The following MKLN1 variants were observed in gnomAD, a reference collection of about 807,000 sequenced individuals.
The protein encoded by MKLN1 is muskelin 1, also known as muskelin.
Under a neutral mutation model 99.0 loss-of-function variants are expected in MKLN1, and 18 were observed. That is an observed-to-expected ratio of 0.18 (90% CI 0.13 to 0.27). The LOEUF (loss-of-function observed/expected upper bound fraction) is 0.27, where lower values mean the gene tolerates loss of function less well. Ranked by LOEUF, MKLN1 falls within the 10% of genes least tolerant of loss-of-function variation. The pLI is 1.00. For synonymous variants in MKLN1, 288 were observed against 293.2 expected (o/e 0.98, Z 0.18); for missense variants, 621 against 875.9 (o/e 0.71, Z 3.67).
intron 3 of MKLN1, among the ~76,000 whole-genome samples, chr7:131,267,309 G>A (rs1036706805): frequency 1.3e-5 from 2 of 151,976 alleles, no homozygotes; most frequent in Non-Finnish European, 2.9e-5. Context: ...TCTAGCCTGG[G>A]CAACAAGCAA....
intron 1 of MKLN1, among the ~76,000 whole-genome samples, chr7:131,121,600 C>G (rs931180979): frequency 7.8e-6 from 1 of 127,636 alleles, no homozygotes; most frequent in African/African-American, 3.0e-5. Context: ...GATCGCGCCA[C>G]TGCACTCCAG....
intron 2 of MKLN1, among the ~76,000 whole-genome samples, chr7:131,162,000 T>TATATAG (rs1491177471): frequency 4.2e-4 from 53 of 126,936 alleles, no homozygotes; most frequent in African/African-American, 1.3e-3. Flanking sequence ...TATATATATA[T>TATATAG]GTAACAGAGT....
At chr7:131,445,583 C>CA (rs1190715584) in intron 11 of MKLN1, among the ~76,000 whole-genome samples, 191 bp from the exon 12 acceptor site, 1 of 152,078 alleles carries the variant, frequency 6.6e-6, no homozygotes, top group Non-Finnish European at 1.5e-5. Context: ...TCTTCTTTAA[C>CA]AGGATGTCCT....
intron 1 of MKLN1, among the ~76,000 whole-genome samples, chr7:131,373,303 A>AT (rs539470980): frequency 3.3e-5 from 5 of 151,762 alleles, no homozygotes; most frequent in African/African-American, 9.7e-5. Flanking sequence ...TTGATTTTGG[A>AT]TTTTTTTTGT....
chr7:131,183,899 G>A (rs942098550), intron 2 of MKLN1, among the ~76,000 whole-genome samples: 2 of 151,940 alleles, frequency 1.3e-5, no homozygotes, highest in Non-Finnish European at 2.9e-5. Context: ...AAGCTTGTGG[G>A]AACCAGTCCT....
At chr7:131,360,501 T>C (rs1466341401) in intron 1 of MKLN1, among the ~76,000 whole-genome samples, 3 of 152,200 alleles carry the variant, frequency 2.0e-5, no homozygotes, top group Non-Finnish European at 4.4e-5. Context: ...GTAATATTTA[T>C]GTGCATCTAA....
At chr7:131,128,579 A>G (rs1795499432) in intron 1 of MKLN1, among the ~76,000 whole-genome samples, 1 of 152,228 alleles carries the variant, frequency 6.6e-6, no homozygotes, top group African/African-American at 2.4e-5. Flanking sequence ...TAGCTTATGT[A>G]GATAAGGCAG....
intron 3 of MKLN1, among the ~76,000 whole-genome samples, chr7:131,264,052 C>T (rs1156370761): frequency 6.6e-6 from 1 of 152,112 alleles, no homozygotes; most frequent in Non-Finnish European, 1.5e-5. Context: ...CAGAGTGTTC[C>T]ATCAGGGCAA....
intron 2 of MKLN1, among the ~76,000 whole-genome samples, chr7:131,386,033 A>G (rs1554564003): frequency 8.8e-6 from 1 of 113,318 alleles, no homozygotes; most frequent in Non-Finnish European, 1.8e-5. Flanking sequence ...TTTTTTTTTG[A>G]GCTAGAGTCT....
chr7:131,389,327 G>A (rs547214762), intron 4 of MKLN1, among the ~76,000 whole-genome samples: 3 of 152,110 alleles, frequency 2.0e-5, no homozygotes, highest in African/African-American at 7.2e-5. Flanking sequence ...GGGATCTAGT[G>A]ATTTGATTGC....
intron 3 of MKLN1, among the ~76,000 whole-genome samples, chr7:131,294,573 G>A (rs971706034): frequency 1.3e-5 from 2 of 152,182 alleles, no homozygotes; most frequent in African/African-American, 4.8e-5. Flanking sequence ...ATGAATCTGA[G>A]TGCTCATTTT....
chr7:131,195,282 G>A (rs1256996415), intron 2 of MKLN1, among the ~76,000 whole-genome samples: 9 of 152,200 alleles, frequency 5.9e-5, no homozygotes, highest in South Asian at 2.1e-4. Flanking sequence ...AGACCGAGGC[G>A]GGTGGATCAC....
intron 2 of MKLN1, among the ~76,000 whole-genome samples, chr7:131,378,057 A>G (rs1044421483): frequency 6.6e-6 from 1 of 152,180 alleles, no homozygotes; most frequent in Non-Finnish European, 1.5e-5. Context: ...ATGTTTACTT[A>G]GTTGTATGAG....
chr7:131,409,349 G>C (rs1317832022), intron 6 of MKLN1, among the ~76,000 whole-genome samples: 1 of 152,188 alleles, frequency 6.6e-6, no homozygotes, highest in Non-Finnish European at 1.5e-5. Context: ...TTTGTTTTTA[G>C]GTTGCGAAAG....
intron 1 of MKLN1, among the ~76,000 whole-genome samples, chr7:131,368,461 A>G (rs965141572): frequency 3.9e-5 from 6 of 152,294 alleles, no homozygotes; most frequent in African/African-American, 1.4e-4. Flanking sequence ...TGTAGGCTTG[A>G]TAGGAAGCAT....
intron 3 of MKLN1, among the ~76,000 whole-genome samples, chr7:131,210,914 C>T (rs955837960): frequency 6.6e-6 from 1 of 151,084 alleles, no homozygotes; most frequent in Non-Finnish European, 1.5e-5. Flanking sequence ...ATACAGTATA[C>T]TGGGTTGGTG....
At chr7:131,213,577 A>G (rs2116437283) in intron 3 of MKLN1, among the ~76,000 whole-genome samples, 1 of 152,348 alleles carries the variant, frequency 6.6e-6, no homozygotes, top group South Asian at 2.1e-4. Flanking sequence ...ACAGCCAAGA[A>G]TATCTTCAAA....
chr7:131,125,584 G>C (rs1795440891), intron 1 of MKLN1, among the ~76,000 whole-genome samples: 1 of 152,170 alleles, frequency 6.6e-6, no homozygotes, highest in Admixed American at 6.6e-5. Flanking sequence ...TCCAAAAAAA[G>C]ATCAGGCTAG....
At chr7:131,470,737 C>T (rs1584776380) in intron 15 of MKLN1, 105 bp from the exon 16 acceptor site, 1 of 737,134 alleles carries the variant, frequency 1.4e-6, no homozygotes. Flanking sequence ...ATATCCAGAA[C>T]AACTCCTCAT....
Sources: allele counts gnomAD v4.1 joint callset (sites outside exome capture counted in the v4.1 genomes callset), GRCh38; gene constraint gnomAD v4.1.1; transcripts MANE v1.5; gene names NCBI Gene and HGNC (gene_info 2026-07-23, HGNC 2026-07-21).